The following LTK variants were observed in gnomAD, a reference collection of about 807,000 sequenced individuals.
LTK encodes leukocyte receptor tyrosine kinase.
In LTK, 117 loss-of-function variants were observed where a neutral mutation model predicts 101.5. The ratio of observed to expected loss-of-function variants is 1.15; its 90% CI spans 0.99 to 1.34. The LOEUF (loss-of-function observed/expected upper bound fraction) is 1.34, where lower values mean the gene tolerates loss of function less well. Among genes scored for constraint, LTK ranks in the 40% most tolerant of loss-of-function variants. LTK has a pLI of 0.00. For missense variants in LTK, 1,252 were observed against 1,164.7 expected (o/e 1.07, Z -1.09); for synonymous variants, 563 against 494.2 (o/e 1.14, Z -1.85).
chr15:41,504,897 G>A, intron 16 of LTK, 23 bp from the exon 17 acceptor site: 1 of 1,602,440 alleles, frequency 6.2e-7, no homozygotes, highest in South Asian at 1.1e-5. Context: ...GGAGGTGAAT[G>A]ATGAGTTGTT....
chr15:41,506,568 G>C, intron 11 of LTK, among the ~76,000 whole-genome samples: 1 of 151,804 alleles, frequency 6.6e-6, no homozygotes, highest in Admixed American at 6.6e-5. Context: ...GCCTCCCAAA[G>C]TGCTGAGATT....
intron 1 of LTK, 78 bp from the exon 2 acceptor site, chr15:41,513,198 C>T: frequency 2.0e-6 from 3 of 1,479,572 alleles, no homozygotes; most frequent in Non-Finnish European, 2.7e-6. Context: ...AACCCCGCAA[C>T]AGCTGCCCTT....
At position 41,503,717 on chromosome 15, in the gene LTK, A is replaced by C. The variant is rs1415383432; in HGVS notation, c.*279T>G. The C allele has an allele frequency of 1.5e-6, 1 of 649,456 alleles. No homozygotes were observed. The highest frequency in any genetic ancestry group is 2.9e-6 in the Non-Finnish European group (1 of 349,496). 40.2% of individuals were successfully genotyped at this position (649,456 alleles called of 1,614,324 possible). A position where few individuals can be genotyped will look rare whatever the true frequency, so the allele number is the denominator to read the frequency against. Reference sequence around the variant, plus strand: ...AGATGAAGGATGCTCATAATGGGAGAGCAATCCAGTGCTCCCCATGGACAC... The same window carrying C: ...AGATGAAGGATGCTCATAATGGGAGCGCAATCCAGTGCTCCCCATGGACAC... On this transcript the variant is annotated 3_prime_UTR_variant, in exon 20 of 20. Transcript: ENST00000263800.
In LTK at chr15:41,508,059, T is replaced by G; in HGVS notation, c.1249+10A>C. 2 of 1,587,988 alleles carry G rather than the reference T, an allele frequency of 1.3e-6. No homozygotes were observed. Among genetic ancestry groups the G allele is most frequent in the Non-Finnish European group, 1.7e-6 (2 of 1,166,944 alleles). On this transcript the variant is annotated intron_variant, in intron 9 of 19. Transcript: ENST00000263800. ...CAGGAGTCCAGACCTTGGGCAAAGG[T>G]AGGACATACCCATGCAGGTGACGTT...
At position 41,512,232 on chromosome 15, in the gene LTK, G is replaced by T; in HGVS notation, c.393C>A (p.Gly131=). ...GCGCCCGCGACAGGTGGTTCTTGGC[G>T]CCTTTGCCGCCCGCGGCTCCGTAGG... The part of the protein sequence containing the change: ...ISAYGAAGGK[G]AKNHLSRAHG... The change falls in exon 4 of 20, where the codon GGC becomes GGA. Residue 131 remains glycine (G), a synonymous_variant. Transcript: ENST00000263800. 1 of 1,612,842 alleles carries T rather than the reference G, an allele frequency of 6.2e-7. No homozygotes were observed. The highest frequency in any genetic ancestry group is 8.5e-7 in the Non-Finnish European group (1 of 1,179,778).
chr15:41,504,877 A>G lies in LTK; in HGVS notation c.2019-3T>C. 1.2e-6 allele frequency: 2 copies of G among 1,611,108 alleles called. No individual in the cohort carries two copies. Among genetic ancestry groups the G allele is most frequent in the Middle Eastern group, 1.7e-4 (1 of 6,050 alleles). On this transcript the variant is annotated splice_region_variant and splice_polypyrimidine_tract_variant and intron_variant, in intron 16 of 19. Transcript: ENST00000263800. ...CCCCCCTGCGGTAATAACTGGCCCT[A>G]CAGGAGGGAGGAGGTGAATGATGAG...
chr15:41,511,225 G>C lies in LTK; in HGVS notation c.936C>G (p.Ala312=). The C allele has an allele frequency of 7.2e-7, 1 of 1,396,146 alleles. No homozygotes were observed. Among genetic ancestry groups the C allele is most frequent in the South Asian group, 1.5e-5 (1 of 64,828 alleles). The allele number at this position is 1,396,146 out of a possible 1,614,324, so 86.5% of individuals were successfully genotyped here. A position where few individuals can be genotyped will look rare whatever the true frequency, so the allele number is the denominator to read the frequency against. The change falls in exon 7 of 20, where the codon GCC becomes GCG. Residue 312 remains alanine, a synonymous_variant. Transcript: ENST00000263800. The surrounding 1 kb of genome is among the most constrained non-coding windows in gnomAD (Gnocchi z 5.9). ...CCCCGCCGCCGCCCCCGAAGCCGCC[G>C]GCCGCGGCCCAGCCAAGGGTCGCCC... ...EAWATLGWAA[A]GGFGGGGGAC... is the part of the protein sequence containing the mutation.
intron 3 of LTK, 97 bp from the exon 4 acceptor site, chr15:41,512,362 A>G (rs933999710): frequency 3.1e-6 from 4 of 1,303,248 alleles, no homozygotes; most frequent in Non-Finnish European, 4.2e-6. Context: ...ATTATTTTTT[A>G]TCTGAGGGAC....
In LTK at chr15:41,511,782, G is replaced by A; in HGVS notation, c.657+35C>T. The A allele has an allele frequency of 1.4e-6, 2 of 1,480,088 alleles. No homozygotes were observed. The highest frequency in any genetic ancestry group is 1.8e-6 in the Non-Finnish European group (2 of 1,126,654). The allele number at this position is 1,480,088 out of a possible 1,614,324, so 91.7% of individuals were successfully genotyped here. A position where few individuals can be genotyped will look rare whatever the true frequency, so the allele number is the denominator to read the frequency against. Reference sequence around the variant, plus strand: ...GTGAGCGCCCCTGGGGAGAGGATTGGGACCCCAACGCTGAGCGCCGAAGGG... The same window carrying A: ...GTGAGCGCCCCTGGGGAGAGGATTGAGACCCCAACGCTGAGCGCCGAAGGG... On this transcript the variant is annotated intron_variant, in intron 5 of 19. Transcript: ENST00000263800. This position sits in a 1 kb window ranked among gnomAD's most constrained non-coding sequence, Gnocchi z 5.9.
intron 3 of LTK, 111 bp from the exon 4 acceptor site, chr15:41,512,376 G>T: frequency 1.7e-6 from 2 of 1,148,716 alleles, no homozygotes; most frequent in Non-Finnish European, 2.4e-6. Context: ...GAGGGACTTG[G>T]AGGCTGCAAT....
At chr15:41,508,556 C>CAAAAAT (rs2051358684) in intron 8 of LTK, among the ~76,000 whole-genome samples, 1 of 132,664 alleles carries the variant, frequency 7.5e-6, no homozygotes, top group African/African-American at 3.0e-5. Context: ...GACTCTGTCT[C>CAAAAAT]AAAAATAAAA....
rs535222109 is a variant in LTK, at chr15:41,510,102, G to C, written c.998-973C>G. 3.8e-3 allele frequency among the ~76,000 whole-genome samples: 573 copies of C among 151,870 alleles called. 4 individuals are homozygous for C. Among genetic ancestry groups the C allele is most frequent in the African/African-American group, 0.012 (513 of 41,464 alleles). ...GCTCACTGCAACCTCCGCCTCCCGG[G>C]TTCAAGCGATTTTCCTGTCTCAGCT... On this transcript the variant is annotated intron_variant, in intron 7 of 19. Coordinates refer to ENST00000263800, the MANE Select transcript of LTK (RefSeq NM_002344.6).
rs2051222880 is a variant in LTK, at chr15:41,505,147, A to G, written c.1925+61T>C. On this transcript the variant is annotated intron_variant, in intron 15 of 19. Transcript: ENST00000263800. ...TCTATTTCCTTAAAAGCTGTGTGGA[A>G]GGGCTGTTCCTTGGGGAGGGAGTTG... The G allele has an allele frequency of 1.1e-5, 17 of 1,585,394 alleles. No homozygotes were observed. In the South Asian group the frequency reaches 1.7e-4, roughly 16 times the overall value.
intron 17 of LTK, 60 bp from the exon 18 acceptor site, chr15:41,504,700 G>T: frequency 6.2e-7 from 1 of 1,604,404 alleles, no homozygotes; most frequent in Non-Finnish European, 8.5e-7. Flanking sequence ...CCTCACATGA[G>T]GTGGCTGGAA....
chr15:41,512,906 G>A (rs2051535558), intron 2 of LTK, 28 bp from the exon 3 acceptor site: 1 of 1,607,482 alleles, frequency 6.2e-7, no homozygotes, highest in Non-Finnish European at 8.5e-7. Flanking sequence ...GGCAAGGGTC[G>A]TCGAGCCCCT....
At chr15:41,507,537 A>C (rs371281076) in intron 10 of LTK, 25 bp downstream of exon 10, 1 of 1,610,502 alleles carries the variant, frequency 6.2e-7, no homozygotes, top group Non-Finnish European at 8.5e-7. Context: ...CCTTGAATCA[A>C]CTGTGCCTGC....
At position 41,504,727 on chromosome 15, in the gene LTK, C is replaced by CAGGGGAGGGGAACAGTGGGGA. The variant is rs762753546; in HGVS notation, c.2120+25_2120+45dup. On this transcript the variant is annotated intron_variant, in intron 17 of 19. Coordinates refer to ENST00000263800, the MANE Select transcript of LTK (RefSeq NM_002344.6). ...TGGCTGGAAAGGACAGGATTAGCCT[C>CAGGGGAGGGGAACAGTGGGGA]AGGGGAGGGGAACAGTGGGGAAGGG... 6.6e-5 allele frequency: 101 copies of CAGGGGAGGGGAACAGTGGGGA among 1,536,096 alleles called. No homozygotes were observed. The South Asian group carries it at 1.0e-3, about 16-fold the overall frequency.
In LTK at chr15:41,503,742, C is replaced by T; in HGVS notation, c.*254G>A. 1.5e-6 allele frequency: 1 copy of T among 645,848 alleles called. No individual in the cohort carries two copies. Among genetic ancestry groups the T allele is most frequent in the Non-Finnish European group, 2.8e-6 (1 of 351,162 alleles). The allele number at this position is 645,848 out of a possible 1,614,324, so 40.0% of individuals were successfully genotyped here. On this transcript the variant is annotated 3_prime_UTR_variant, in exon 20 of 20. Coordinates refer to ENST00000263800, the MANE Select transcript of LTK (RefSeq NM_002344.6). ...AGCAATCCAGTGCTCCCCATGGACACCTGGGGTGTGTGTAAGGCGGCCTCT... is the reference window on the plus strand; with the variant it reads ...AGCAATCCAGTGCTCCCCATGGACATCTGGGGTGTGTGTAAGGCGGCCTCT...
intron 8 of LTK, 55 bp from the exon 9 acceptor site, chr15:41,508,276 T>C (rs1293602577): frequency 2.7e-6 from 4 of 1,500,822 alleles, no homozygotes; most frequent in Non-Finnish European, 3.6e-6. Flanking sequence ...ATATAGTAAA[T>C]ACATGCCTTT....
Sources: allele counts gnomAD v4.1 joint callset (sites outside exome capture counted in the v4.1 genomes callset), GRCh38; gene constraint gnomAD v4.1.1; non-coding constraint Gnocchi (gnomAD v3.1); transcripts MANE v1.5; gene names NCBI Gene and HGNC (gene_info 2026-07-23, HGNC 2026-07-21).